The following DIS3L2 variants were observed in gnomAD, a reference collection of about 807,000 sequenced individuals.
DIS3L2 encodes the protein DIS3-like exonuclease 2.
A neutral mutation model predicts 97.5 loss-of-function variants in DIS3L2; 34 were observed. That is an observed-to-expected ratio of 0.35 (90% CI 0.27 to 0.46). The LOEUF is 0.46. DIS3L2 is among the 20% of genes least tolerant of loss of function. The pLI is 1.00. For synonymous variants in DIS3L2, 435 were observed against 445.2 expected, an observed-to-expected ratio of 0.98 and a Z score of 0.29; for missense variants, 1,038 against 1,146.0, an observed-to-expected ratio of 0.91 and a Z score of 1.36.
intron 8 of DIS3L2, among the ~76,000 whole-genome samples, chr2:232,156,113 C>G (rs1486833354): frequency 6.6e-6 from 1 of 151,902 alleles, no homozygotes; most frequent in Non-Finnish European, 1.5e-5. Flanking sequence ...TGTCTGTTTT[C>G]TTTGTTATCT....
Position 232,270,906 on chromosome 2 carries a change from C to CT in DIS3L2, c.1659+7467dup, listed in dbSNP as rs1306544684. On this transcript the variant is annotated intron_variant, in intron 13 of 20. Coordinates refer to ENST00000325385, the MANE Select transcript of DIS3L2 (RefSeq NM_152383.5). ...TCTCTCTCTCTCTCTCTCTCTCTCT[C>CT]TCTCTCTCTGTCTCGTCTCTCTCTC... is the stretch of plus-strand genomic sequence containing the variant. Among the ~76,000 whole-genome samples, 676 of 135,298 alleles carry CT rather than the reference C, an allele frequency of 5.0e-3. 7 individuals are homozygous for CT. Among genetic ancestry groups the CT allele is most frequent in the African/African-American group, 0.019 (633 of 33,904 alleles). The allele number at this position is 135,298 out of a possible 152,430, so 88.8% of individuals were successfully genotyped here.
chr2:232,049,021 C>T (rs989114867), intron 5 of DIS3L2, among the ~76,000 whole-genome samples: 4 of 152,144 alleles, frequency 2.6e-5, no homozygotes, highest in East Asian at 1.9e-4. Context: ...AAGCTTTTTA[C>T]GTACCATAAA....
chr2:232,012,070 C>T (rs528129540), intron 1 of DIS3L2, among the ~76,000 whole-genome samples: 1 of 152,210 alleles, frequency 6.6e-6, no homozygotes, highest in Non-Finnish European at 1.5e-5. Context: ...TTATTCTTGC[C>T]AATTTTGTTT....
intron 5 of DIS3L2, among the ~76,000 whole-genome samples, chr2:232,051,829 AAAAAAAAAAAG>A (rs1695414594): frequency 6.7e-6 from 1 of 149,710 alleles, no homozygotes; most frequent in Admixed American, 6.6e-5. Flanking sequence ...AAAAAAAAAA[AAAAAAAAAAAG>A]AACTAGCTTT....
intron 9 of DIS3L2, among the ~76,000 whole-genome samples, chr2:232,168,543 AC>A (rs1690891632): frequency 6.6e-6 from 1 of 152,134 alleles, no homozygotes; most frequent in African/African-American, 2.4e-5. Flanking sequence ...CTAAAACTAG[AC>A]AATATCCATA....
Position 232,014,827 on chromosome 2 carries a change from G to T in DIS3L2, c.-93-8G>T. On this transcript the variant is annotated splice_region_variant and splice_polypyrimidine_tract_variant and intron_variant, in intron 1 of 20. Coordinates refer to ENST00000325385, the MANE Select transcript of DIS3L2 (RefSeq NM_152383.5). ...GCTCTCCAATTACCAATCTCTTCTT[G>T]GTTTCAGCGAATGACAACAGAGCTG... 1 of 1,294,564 alleles carries T rather than the reference G, an allele frequency of 7.7e-7. No individual in the cohort carries two copies. Among genetic ancestry groups the T allele is most frequent in the Non-Finnish European group, 1.1e-6 (1 of 922,434 alleles). The allele number at this position is 1,294,564 out of a possible 1,614,324, so 80.2% of individuals were successfully genotyped here.
At chr2:232,198,405 AT>A (rs1164404424) in intron 9 of DIS3L2, 1 of 152,150 alleles carries the variant, frequency 6.6e-6, no homozygotes, top group Non-Finnish European at 1.5e-5. Flanking sequence ...CTGTGGTATT[AT>A]TTCCTGGAAG....
chr2:232,239,814 A>G (rs1256432329), intron 11 of DIS3L2, among the ~76,000 whole-genome samples: 1 of 152,238 alleles, frequency 6.6e-6, no homozygotes, highest in Non-Finnish European at 1.5e-5. Context: ...AAAAGTTTCT[A>G]GGATTTCTGG....
chr2:232,080,968 C>G (rs1428314483), intron 5 of DIS3L2, among the ~76,000 whole-genome samples: 2 of 151,342 alleles, frequency 1.3e-5, no homozygotes, highest in Non-Finnish European at 2.9e-5. Flanking sequence ...TACAAAATTG[C>G]CTTTTGTTGA....
At chr2:232,283,732 G>A (rs1345722018) in intron 13 of DIS3L2, among the ~76,000 whole-genome samples, 1 of 152,190 alleles carries the variant, frequency 6.6e-6, no homozygotes, top group Non-Finnish European at 1.5e-5. Flanking sequence ...TCCTCAAAAT[G>A]ACAGATTTAT....
intron 9 of DIS3L2, among the ~76,000 whole-genome samples, chr2:232,176,261 C>T (rs1691148661): frequency 6.6e-6 from 1 of 152,112 alleles, no homozygotes; most frequent in South Asian, 2.1e-4. Context: ...TTAGTATTCC[C>T]TTATAATCCT....
intron 14 of DIS3L2, among the ~76,000 whole-genome samples, chr2:232,312,742 C>G (rs776631351): frequency 6.6e-6 from 1 of 152,154 alleles, no homozygotes; most frequent in Non-Finnish European, 1.5e-5. Flanking sequence ...TGGTACCTCC[C>G]TCTATTTAGA....
chr2:232,334,317 C>T (rs1695868387), intron 17 of DIS3L2, 52 bp from the exon 18 acceptor site: 14 of 1,591,502 alleles, frequency 8.8e-6, no homozygotes, highest in Admixed American at 1.7e-5. Context: ...CCAGCCATAG[C>T]TCTTCCCAGC....
intron 9 of DIS3L2, among the ~76,000 whole-genome samples, chr2:232,194,065 G>A (rs1037039986): frequency 4.6e-5 from 7 of 151,980 alleles, no homozygotes; most frequent in Non-Finnish European, 8.8e-5. Flanking sequence ...AGCCGGGATC[G>A]TACCACTGAA....
chr2:232,106,852 G>A (rs1276140883), intron 6 of DIS3L2, among the ~76,000 whole-genome samples: 1 of 152,088 alleles, frequency 6.6e-6, no homozygotes, highest in Non-Finnish European at 1.5e-5. Context: ...TCACGTAATC[G>A]GAAGTAAAAC....
chr2:232,031,116 A>C (rs867646863), intron 5 of DIS3L2, among the ~76,000 whole-genome samples: 1 of 152,140 alleles, frequency 6.6e-6, no homozygotes. Flanking sequence ...TACCTACTTC[A>C]TAGGTTTGTC....
chr2:232,277,031 G>A (rs1314084843), intron 13 of DIS3L2, among the ~76,000 whole-genome samples: 1 of 152,178 alleles, frequency 6.6e-6, no homozygotes. Flanking sequence ...TGGAGACATC[G>A]CCTCCTTTAT....
chr2:232,285,230 T>A (rs1466496282), intron 13 of DIS3L2, among the ~76,000 whole-genome samples: 1 of 152,206 alleles, frequency 6.6e-6, no homozygotes, highest in Non-Finnish European at 1.5e-5. Context: ...TACTTAGCTG[T>A]GTGACTGGGC....
Position 232,320,011 on chromosome 2 carries a change from T to C in DIS3L2, c.1740-9802T>C, listed in dbSNP as rs186756037. 4.4e-3 allele frequency among the ~76,000 whole-genome samples: 670 copies of C among 152,320 alleles called. 8 individuals carry two copies. Among genetic ancestry groups the C allele is most frequent in the African/African-American group, 0.015 (633 of 41,544 alleles). On this transcript the variant is annotated intron_variant, in intron 14 of 20. Coordinates refer to ENST00000325385, the MANE Select transcript of DIS3L2 (RefSeq NM_152383.5). Reference sequence around the variant, plus strand: ...CTGTGCGAGAGCACTCAGCAGTCTTTGGTTGACTTTGGGTAGGAGTGGAGA... The same window carrying C: ...CTGTGCGAGAGCACTCAGCAGTCTTCGGTTGACTTTGGGTAGGAGTGGAGA...
Sources: gnomAD v4.1 joint callset for allele counts (sites outside exome capture counted in the v4.1 genomes callset) on GRCh38, gnomAD v4.1.1 for gene constraint, MANE v1.5 for transcripts, NCBI Gene and HGNC (gene_info 2026-07-23, HGNC 2026-07-21) for gene names.